Variants in L3MBTL3 observed in about 807,000 individuals in gnomAD.
L3MBTL3 encodes the protein L3MBTL histone methyl-lysine binding protein 3, also known as lethal(3)malignant brain tumor-like protein 3.
Under a neutral mutation model 102.3 loss-of-function variants are expected in L3MBTL3, and 27 were observed. The observed-to-expected ratio is 0.26, with a 90% CI of 0.19 to 0.36. The LOEUF (loss-of-function observed/expected upper bound fraction) is 0.36, where lower values mean the gene tolerates loss of function less well. L3MBTL3 is among the 10% of genes least tolerant of loss of function. The probability of loss-of-function intolerance (pLI) is 1.00; values close to 1 mark genes in which losing one functional copy is unlikely to be tolerated. For synonymous variants in L3MBTL3, 340 were observed against 320.9 expected, an observed-to-expected ratio of 1.06 and a Z score of -0.64; for missense variants, 798 against 955.3, an observed-to-expected ratio of 0.84 and a Z score of 2.17.
intron 14 of L3MBTL3, among the ~76,000 whole-genome samples, chr6:130,081,930 A>G (rs1214314832): frequency 6.6e-6 from 1 of 152,044 alleles, no homozygotes; most frequent in Non-Finnish European, 1.5e-5. Flanking sequence ...GACTTTTATG[A>G]CCTTAATAAG....
At chr6:130,068,556 A>G (rs1220664596) in intron 12 of L3MBTL3, 135 bp downstream of exon 12, 3 of 531,776 alleles carry the variant, frequency 5.6e-6, no homozygotes, top group African/African-American at 3.8e-5. Flanking sequence ...TATCTTAATT[A>G]AAGTTTAAAA....
At chr6:130,117,351 T>C (rs1274292347) in intron 19 of L3MBTL3, among the ~76,000 whole-genome samples, 1 of 151,402 alleles carries the variant, frequency 6.6e-6, no homozygotes, top group African/African-American at 2.4e-5. Flanking sequence ...ATGTGCCACA[T>C]TTTCTTAATC....
At chr6:130,081,668 A>G (rs1584393087) in intron 14 of L3MBTL3, among the ~76,000 whole-genome samples, 2 of 151,090 alleles carry the variant, frequency 1.3e-5, no homozygotes, top group African/African-American at 4.9e-5. Context: ...CTCGTGATCC[A>G]CCTGCCTCAG....
chr6:130,031,921 C>CT (rs1406887463), intron 2 of L3MBTL3, among the ~76,000 whole-genome samples: 3 of 151,672 alleles, frequency 2.0e-5, no homozygotes, highest in East Asian at 1.9e-4. Context: ...ATCTACTTTT[C>CT]TTTTTTTTGA....
intron 11 of L3MBTL3, among the ~76,000 whole-genome samples, 200 bp from the exon 12 acceptor site, chr6:130,068,130 C>T (rs1782386024): frequency 6.6e-6 from 1 of 152,012 alleles, no homozygotes. Context: ...ACCATTCATT[C>T]AGAATTGGAA....
At chr6:130,027,161 T>TA (rs1779407864) in intron 2 of L3MBTL3, among the ~76,000 whole-genome samples, 1 of 152,168 alleles carries the variant, frequency 6.6e-6, no homozygotes, top group African/African-American at 2.4e-5. Flanking sequence ...TTATATGAGT[T>TA]ACGGTGGATC....
rs183479307 is a variant in L3MBTL3, at chr6:130,129,772, C to G, written c.1967-3680C>G. On this transcript the variant is annotated intron_variant, in intron 20 of 22. Transcript: ENST00000361794. Reference sequence around the variant, plus strand: ...TGAAATGTCTTTAGAACACGAGGCTCTGTTTCCCGAGGCATACTGTGCACA... The same window carrying G: ...TGAAATGTCTTTAGAACACGAGGCTGTGTTTCCCGAGGCATACTGTGCACA... 6.7e-4 allele frequency among the ~76,000 whole-genome samples: 102 copies of G among 152,280 alleles called. 1 individual carries two copies. Among genetic ancestry groups the G allele is most frequent in the African/African-American group, 2.4e-3 (100 of 41,534 alleles).
chr6:130,131,249 G>T (rs1294876259), intron 20 of L3MBTL3, among the ~76,000 whole-genome samples: 1 of 152,160 alleles, frequency 6.6e-6, no homozygotes, highest in Non-Finnish European at 1.5e-5. Flanking sequence ...CATAGGGAAA[G>T]ATTATCATTA....
chr6:130,133,480 G>C lies in L3MBTL3; in HGVS notation c.1995G>C (p.Gln665His). 1 of 1,614,122 alleles carries C rather than the reference G, an allele frequency of 6.2e-7. No homozygotes were observed. Among genetic ancestry groups the C allele is most frequent in the Non-Finnish European group, 8.5e-7 (1 of 1,179,990 alleles). The stretch of plus-strand genomic sequence containing the variant: ...CCCGGGAAGAACCCACCGTCCAGCA[G>C]GCACAGCGTCGGTCAGCTGTCTTTC... ...RGAREEPTVQQAQRRSAVFLS... is the reference protein window; with the variant it reads ...RGAREEPTVQHAQRRSAVFLS... Residue 665 changes from glutamine (Q) to histidine (H), a missense_variant, in exon 21 of 23, where the codon CAG becomes CAC. By Grantham distance (24) the Gln-to-His change is conservative. Coordinates refer to ENST00000361794, the MANE Select transcript of L3MBTL3 (RefSeq NM_032438.4). The surrounding 1 kb of genome is among the most constrained non-coding windows in gnomAD (Gnocchi z 4.9).
At position 130,066,418 on chromosome 6, in the gene L3MBTL3, T is replaced by G. The variant is rs750432788; in HGVS notation, c.930T>G (p.Asn310Lys). ...CTGATTGCTATGACTTCTGGGTGAA[T>G]GCAGACGCTCTGGATATCCACCCAG... Reference protein sequence around the residue: ...GYSDCYDFWVNADALDIHPVG... With the variant: ...GYSDCYDFWVKADALDIHPVG... The change falls in exon 11 of 23, where the codon AAT (asparagine) becomes AAG (lysine). Residue 310 changes from asparagine (N) to lysine (K), a missense_variant. Asn to Lys is a moderately conservative substitution (Grantham distance 94, BLOSUM62 0). Coordinates refer to ENST00000361794, the MANE Select transcript of L3MBTL3 (RefSeq NM_032438.4). 6.2e-7 allele frequency: 1 copy of G among 1,612,540 alleles called. No homozygotes were observed. The highest frequency in any genetic ancestry group is 1.3e-5 in the African/African-American group (1 of 74,962).
intron 2 of L3MBTL3, among the ~76,000 whole-genome samples, chr6:130,033,215 G>T (rs1309295939): frequency 6.6e-6 from 1 of 152,142 alleles, no homozygotes; most frequent in Non-Finnish European, 1.5e-5. Context: ...GAGTCGGGTG[G>T]GGAGGCTCAA....
At position 130,139,646 on chromosome 6, in the gene L3MBTL3, A is replaced by G. The variant is rs148473840; in HGVS notation, c.2236A>G (p.Thr746Ala). Residue 746 changes from threonine to alanine, a missense_variant, in exon 23 of 23, where the codon ACA becomes GCA. Transcript: ENST00000361794. ...DGEAFLLMTQ[T>A]DIVKIMSIKL... is the part of the protein sequence containing the mutation. Reference sequence around the variant, plus strand: ...AGAAGCATTTCTACTTATGACTCAAACAGACATTGTTAAAATTATGAGCAT... The same window carrying G: ...AGAAGCATTTCTACTTATGACTCAAGCAGACATTGTTAAAATTATGAGCAT... 849 of 1,613,250 alleles carry G rather than the reference A, an allele frequency of 5.3e-4. 11 individuals are homozygous for G. The highest frequency in any genetic ancestry group is 9.3e-5 in the Non-Finnish European group (110 of 1,179,342).
At chr6:130,022,446 A>G (rs1779075762) in intron 2 of L3MBTL3, 141 bp downstream of exon 2, 2 of 152,250 alleles carry the variant, frequency 1.3e-5, no homozygotes, top group East Asian at 3.8e-4. Flanking sequence ...GCATGAATGT[A>G]TTGACACTAA....
At chr6:130,047,855 T>A (rs1780824787) in intron 3 of L3MBTL3, among the ~76,000 whole-genome samples, 1 of 152,202 alleles carries the variant, frequency 6.6e-6, no homozygotes, top group Admixed American at 6.5e-5. Flanking sequence ...AAAGTAAAGT[T>A]ATTTTTAGCT....
At chr6:130,101,562 G>A (rs1784685581) in intron 18 of L3MBTL3, among the ~76,000 whole-genome samples, 1 of 152,176 alleles carries the variant, frequency 6.6e-6, no homozygotes, top group South Asian at 2.1e-4. Flanking sequence ...GGTGAAGGCA[G>A]GTCAGACCTT....
chr6:130,139,066 C>T (rs545256936), intron 22 of L3MBTL3, among the ~76,000 whole-genome samples: 3 of 145,852 alleles, frequency 2.1e-5, no homozygotes, highest in African/African-American at 5.1e-5. Flanking sequence ...TTGATTGCCC[C>T]GTTAGTAAAT....
At chr6:130,035,455 A>G (rs575062588) in intron 2 of L3MBTL3, among the ~76,000 whole-genome samples, 10 of 152,316 alleles carry the variant, frequency 6.6e-5, no homozygotes, top group Admixed American at 3.3e-4. Flanking sequence ...AATTCTGAGG[A>G]AAGTGTCGTA....
intron 10 of L3MBTL3, among the ~76,000 whole-genome samples, 190 bp from the exon 11 acceptor site, chr6:130,066,162 TC>T (rs1167490198): frequency 6.6e-6 from 1 of 152,118 alleles, no homozygotes; most frequent in African/African-American, 2.4e-5. Flanking sequence ...GCTCAGCTCT[TC>T]CCACTTTAAT....
At chr6:130,091,949 C>T (rs1284342538) in intron 16 of L3MBTL3, among the ~76,000 whole-genome samples, 1 of 151,452 alleles carries the variant, frequency 6.6e-6, no homozygotes, top group Non-Finnish European at 1.5e-5. Context: ...TCTGGTAGCA[C>T]ATTAGGGTGA....
Sources: gnomAD v4.1 joint callset for allele counts (sites outside exome capture counted in the v4.1 genomes callset) on GRCh38, gnomAD v4.1.1 for gene constraint, Gnocchi (gnomAD v3.1) non-coding constraint, MANE v1.5 for transcripts, NCBI Gene and HGNC (gene_info 2026-07-23, HGNC 2026-07-21) for gene names.